Variants in KCNQ5 observed in about 807,000 individuals in gnomAD.
The protein encoded by KCNQ5 is potassium voltage-gated channel subfamily KQT member 5.
Under a neutral mutation model 98.2 loss-of-function variants are expected in KCNQ5, and 30 were observed. The ratio of observed to expected loss-of-function variants is 0.31; its 90% confidence interval spans 0.23 to 0.41. The LOEUF (loss-of-function observed/expected upper bound fraction) is 0.41, where lower values mean the gene tolerates loss of function less well. Among genes scored for constraint, KCNQ5 ranks in the 10% least tolerant of loss-of-function variants. The pLI is 1.00. For synonymous variants in KCNQ5, 458 were observed against 449.4 expected (o/e 1.02, Z -0.24); for missense variants, 835 against 1,182.5 (o/e 0.71, Z 4.31).
intron 2 of KCNQ5, among the ~76,000 whole-genome samples, chr6:73,036,805 A>G (rs998996985): frequency 3.3e-5 from 5 of 152,168 alleles, no homozygotes; most frequent in Admixed American, 2.0e-4. Context: ...TCTTCTGTGA[A>G]CATTCATGTA....
chr6:72,757,391 C>CAAG (rs1772026619), intron 1 of KCNQ5, among the ~76,000 whole-genome samples: 2 of 152,080 alleles, frequency 1.3e-5, no homozygotes, highest in African/African-American at 4.8e-5. Flanking sequence ...GGGTTATGTC[C>CAAG]AGATAAAGTC....
intron 1 of KCNQ5, among the ~76,000 whole-genome samples, chr6:72,983,979 G>C (rs185146130): frequency 6.6e-6 from 1 of 152,176 alleles, no homozygotes; most frequent in Non-Finnish European, 1.5e-5. Context: ...ACTCCTGGCG[G>C]TCCACTCCAG....
At chr6:73,175,172 C>G (rs1250843148) in intron 11 of KCNQ5, among the ~76,000 whole-genome samples, 1 of 150,716 alleles carries the variant, frequency 6.6e-6, no homozygotes, top group Non-Finnish European at 1.5e-5. Flanking sequence ...TTTTTTGAAA[C>G]AGAGTTTCAC....
chr6:72,805,188 T>C (rs1774886867), intron 1 of KCNQ5, among the ~76,000 whole-genome samples: 1 of 152,138 alleles, frequency 6.6e-6, no homozygotes, highest in Non-Finnish European at 1.5e-5. Context: ...CATTTGTCCA[T>C]TTTTGCTTTG....
intron 1 of KCNQ5, among the ~76,000 whole-genome samples, chr6:72,705,286 A>G (rs1165757410): frequency 2.0e-5 from 3 of 152,214 alleles, no homozygotes; most frequent in Non-Finnish European, 4.4e-5. Context: ...TCAGTTATCA[A>G]TAGGTTAAAC....
intron 1 of KCNQ5, among the ~76,000 whole-genome samples, chr6:72,900,820 T>C (rs1160626032): frequency 6.6e-6 from 1 of 152,076 alleles, no homozygotes; most frequent in Non-Finnish European, 1.5e-5. Flanking sequence ...ACCTACTGTT[T>C]TTTTTATTTT....
intron 1 of KCNQ5, among the ~76,000 whole-genome samples, chr6:72,880,547 C>G (rs906731414): frequency 6.6e-6 from 1 of 152,180 alleles, no homozygotes; most frequent in Non-Finnish European, 1.5e-5. Flanking sequence ...TATCCATGCA[C>G]TTGTGTGGCC....
At chr6:72,824,947 T>G (rs1775926636) in intron 1 of KCNQ5, among the ~76,000 whole-genome samples, 1 of 152,122 alleles carries the variant, frequency 6.6e-6, no homozygotes, top group Non-Finnish European at 1.5e-5. Context: ...TTTATAGCCC[T>G]TCTCTCCTTT....
chr6:73,146,870 A>G (rs913927989), intron 10 of KCNQ5, among the ~76,000 whole-genome samples: 1 of 152,128 alleles, frequency 6.6e-6, no homozygotes, highest in Non-Finnish European at 1.5e-5. Context: ...TCAGTGATAT[A>G]CTATTGAAAC....
chr6:73,092,327 G>A (rs1006693441), intron 5 of KCNQ5, among the ~76,000 whole-genome samples: 1 of 152,106 alleles, frequency 6.6e-6, no homozygotes, highest in Non-Finnish European at 1.5e-5. Context: ...TCAGCAAACA[G>A]CAACAGTTTG....
chr6:72,834,162 G>A (rs1776405567), intron 1 of KCNQ5, among the ~76,000 whole-genome samples: 1 of 152,004 alleles, frequency 6.6e-6, no homozygotes, highest in Non-Finnish European at 1.5e-5. Context: ...GAATTTTGGG[G>A]GTGGATACAT....
At chr6:72,771,787 G>T (rs907543304) in intron 1 of KCNQ5, among the ~76,000 whole-genome samples, 1 of 151,670 alleles carries the variant, frequency 6.6e-6, no homozygotes, top group African/African-American at 2.4e-5. Flanking sequence ...ATTAAAACAA[G>T]ACTTCTGTGA....
chr6:72,901,142 C>T (rs1233038438), intron 1 of KCNQ5, among the ~76,000 whole-genome samples: 1 of 121,962 alleles, frequency 8.2e-6, no homozygotes, highest in Admixed American at 9.6e-5. Flanking sequence ...CCTCCCCCGA[C>T]CCCACAACAG....
intron 9 of KCNQ5, among the ~76,000 whole-genome samples, chr6:73,125,084 C>T (rs1775922853): frequency 1.4e-5 from 2 of 140,310 alleles, no homozygotes; most frequent in South Asian, 4.7e-4. Flanking sequence ...CAAGATGAAA[C>T]CACCTCTCTG....
At chr6:73,078,952 T>C (rs1773647787) in intron 5 of KCNQ5, among the ~76,000 whole-genome samples, 1 of 152,250 alleles carries the variant, frequency 6.6e-6, no homozygotes, top group Non-Finnish European at 1.5e-5. Flanking sequence ...ATGCAATGTA[T>C]AAATTACATT....
chr6:73,085,951 G>A (rs1773973085), intron 5 of KCNQ5, among the ~76,000 whole-genome samples: 1 of 152,134 alleles, frequency 6.6e-6, no homozygotes, highest in South Asian at 2.1e-4. Context: ...ATAAACCGAT[G>A]TAAAAGGATT....
intron 5 of KCNQ5, among the ~76,000 whole-genome samples, chr6:73,094,544 T>C (rs1774399750): frequency 6.6e-6 from 1 of 152,202 alleles, no homozygotes; most frequent in South Asian, 2.1e-4. Context: ...AAAGAGGTTC[T>C]GTTTTGATGT....
chr6:72,720,866 A>G (rs1769919873), intron 1 of KCNQ5, among the ~76,000 whole-genome samples: 1 of 152,184 alleles, frequency 6.6e-6, no homozygotes, highest in Non-Finnish European at 1.5e-5. Context: ...CCCTCTCTCA[A>G]TACCTATTGC....
intron 1 of KCNQ5, among the ~76,000 whole-genome samples, chr6:72,811,979 C>G (rs1214130984): frequency 6.6e-6 from 1 of 152,046 alleles, no homozygotes; most frequent in Non-Finnish European, 1.5e-5. Context: ...TGGGCAATTC[C>G]CAGGACTGAG....
Sources: allele counts gnomAD v4.1 joint callset (sites outside exome capture counted in the v4.1 genomes callset), GRCh38; gene constraint gnomAD v4.1.1; transcripts MANE v1.5; gene names NCBI Gene and HGNC (gene_info 2026-07-23, HGNC 2026-07-21).